The following AGBL2 variants were observed in gnomAD, a reference collection of about 807,000 sequenced individuals.
The protein encoded by AGBL2 is AGBL carboxypeptidase 2.
Under a neutral mutation model 103.0 loss-of-function variants are expected in AGBL2, and 87 were observed. The observed-to-expected ratio is 0.84, with a 90% confidence interval of 0.71 to 1.01. The LOEUF is 1.01. AGBL2 is among the 50% of genes least tolerant of loss of function. The pLI is 0.00. For missense variants in AGBL2, 904 were observed against 1,023.5 expected (o/e 0.88, Z 1.59); for synonymous variants, 335 against 356.7 (o/e 0.94, Z 0.69).
rs2097344416 is a variant in AGBL2, at chr11:47,667,482, G to T, written c.2340+89C>A. 1.4e-5 allele frequency: 21 copies of T among 1,486,894 alleles called. No homozygotes were observed. In the South Asian group the frequency reaches 2.3e-4, roughly 16 times the overall value. 92.1% of individuals were successfully genotyped at this position (1,486,894 alleles called of 1,614,324 possible). A position where few individuals can be genotyped will look rare whatever the true frequency, so the allele number is the denominator to read the frequency against. ...TGCCCCAATCTCCATCCCCTTTTTG[G>T]TTTAGAGTAAACTTTAACCCCCTTT... is the stretch of plus-strand genomic sequence containing the variant. On this transcript the variant is annotated intron_variant, in intron 16 of 18. Transcript: ENST00000525123.
chr11:47,667,216 A>G (rs1052920669), intron 16 of AGBL2, among the ~76,000 whole-genome samples, 153 bp from the exon 17 acceptor site: 1 of 152,178 alleles, frequency 6.6e-6, no homozygotes, highest in East Asian at 1.9e-4. Flanking sequence ...AAGATTGATG[A>G]GCTATCCAGC....
chr11:47,667,211 T>G, intron 16 of AGBL2, 148 bp from the exon 17 acceptor site: 1 of 641,164 alleles, frequency 1.6e-6, no homozygotes, highest in South Asian at 2.0e-5. Context: ...GGACAAAGAT[T>G]GATGAGCTAT....
chr11:47,682,028 C>A lies in AGBL2; in HGVS notation c.1856G>T (p.Trp619Leu). Reference protein sequence around the residue: ...CKEGTGRVVMWRMGILNSYTM... With the variant: ...CKEGTGRVVMLRMGILNSYTM... ...GTAGCTGTTTAGGATTCCCATCCGC[C>A]ACATAACAACTCGTCCTGTTCCTTC... Residue 619 changes from tryptophan to leucine, a missense_variant, in exon 12 of 19, where the codon TGG becomes TTG. Coordinates refer to ENST00000525123, the MANE Select transcript of AGBL2 (RefSeq NM_024783.4). The A allele has an allele frequency of 1.2e-6, 2 of 1,614,174 alleles. 1 individual carries two copies. The highest frequency in any genetic ancestry group is 2.2e-5 in the South Asian group (2 of 91,084).
intron 13 of AGBL2, among the ~76,000 whole-genome samples, chr11:47,679,723 C>A (rs942497689): frequency 3.3e-5 from 5 of 151,388 alleles, no homozygotes; most frequent in Non-Finnish European, 7.4e-5. Flanking sequence ...CTCAGTGCAA[C>A]CTCCGCCTCC....
intron 14 of AGBL2, among the ~76,000 whole-genome samples, chr11:47,675,710 A>C (rs1711877340): frequency 6.6e-6 from 1 of 151,972 alleles, no homozygotes; most frequent in African/African-American, 2.4e-5. Flanking sequence ...TTAAGGTTTA[A>C]ATATTATCTA....
In AGBL2 at chr11:47,690,646, C is replaced by T. The variant is rs747146947; in HGVS notation, c.1061G>A (p.Arg354Lys). ...LDANTRNIGW[R>K]REGNEIKYYK... ...GTACTTGATTTCATTTCCTTCTCTC[C>T]TCCAGCCAATATTGCGGGTGTTGGC... Residue 354 changes from arginine (R) to lysine (K), a missense_variant, in exon 10 of 19, where the codon AGG (arginine) becomes AAG (lysine). By Grantham distance (26) the Arg-to-Lys change is conservative. Transcript: ENST00000525123. 1 of 1,614,132 alleles carries T rather than the reference C, an allele frequency of 6.2e-7. No individual in the cohort carries two copies. Among genetic ancestry groups the T allele is most frequent in the South Asian group, 1.1e-5 (1 of 91,076 alleles).
At position 47,690,164 on chromosome 11, in the gene AGBL2, A is replaced by C. The variant is rs760509109; in HGVS notation, c.1543T>G (p.Leu515Val). 1.2e-6 allele frequency: 2 copies of C among 1,614,086 alleles called. No individual in the cohort carries two copies. The highest frequency in any genetic ancestry group is 1.7e-6 in the Non-Finnish European group (2 of 1,180,034). ...GVIVGNYRCS[L>V]AGRDLNRHYK... ...TGCCTGTTCAAATCCCTTCCGGCCA[A>C]GGAACACCGATAATTCCCCACAATC... Residue 515 changes from leucine (L) to valine (V), a missense_variant, in exon 10 of 19, where the codon TTG (leucine) becomes GTG (valine). Transcript: ENST00000525123.
rs1016819804 is a variant in AGBL2, at chr11:47,705,571, G to T, written c.350C>A (p.Pro117His). The T allele has an allele frequency of 8.6e-6, 4 of 467,054 alleles. No individual in the cohort carries two copies. The highest frequency in any genetic ancestry group is 1.6e-5 in the Non-Finnish European group (4 of 250,912). 28.9% of individuals were successfully genotyped at this position (467,054 alleles called of 1,614,324 possible). Residue 117 changes from proline (P) to histidine (H), a missense_variant, in exon 6 of 19, where the codon CCC (proline) becomes CAC (histidine). Transcript: ENST00000525123. ...TGAGGCAGGAGAATCCTTGAATCTG[G>T]GAGGTGGAGGTTGCAGTGAGCTGAG... ...RGLSSLQPPP[P>H]RFKDSPASAF...
rs1213974418 is a variant in AGBL2 at position 47,700,996 on chromosome 11, C to G, written c.587-1443G>C. Among the ~76,000 whole-genome samples, 3 of 150,984 alleles carry G rather than the reference C, an allele frequency of 2.0e-5. No homozygotes were observed. In the East Asian group the frequency reaches 5.9e-4, roughly 30 times the overall value. On this transcript the variant is annotated intron_variant, in intron 7 of 18. Coordinates refer to ENST00000525123, the MANE Select transcript of AGBL2 (RefSeq NM_024783.4). Reference sequence around the variant, plus strand: ...GCTTGAACCCAGGAGACAGAGGCTGCAGTGAGCTGACGCGGTGCCACCGCA... The same window carrying G: ...GCTTGAACCCAGGAGACAGAGGCTGGAGTGAGCTGACGCGGTGCCACCGCA...
chr11:47,686,191 C>T (rs1447152455), intron 10 of AGBL2, 142 bp from the exon 11 acceptor site: 2 of 774,102 alleles, frequency 2.6e-6, no homozygotes, highest in Admixed American at 6.0e-5. Context: ...CTTCAATGGA[C>T]CCTATCTCCA....
chr11:47,661,765 T>G (rs1188532862), intron 18 of AGBL2, among the ~76,000 whole-genome samples: 1 of 152,076 alleles, frequency 6.6e-6, no homozygotes, highest in Admixed American at 6.6e-5. Flanking sequence ...CCACCTTTTT[T>G]TTTTTTGGAG....
chr11:47,678,329 TA>T (rs2097384548), intron 13 of AGBL2, among the ~76,000 whole-genome samples: 2 of 136,982 alleles, frequency 1.5e-5, no homozygotes, highest in African/African-American at 5.0e-5. Context: ...TATTTTATTT[TA>T]TTTTATTATT....
intron 16 of AGBL2, 130 bp downstream of exon 16, chr11:47,667,441 A>C (rs960258746): frequency 1.2e-5 from 15 of 1,224,298 alleles, no homozygotes; most frequent in Non-Finnish European, 1.7e-5. Context: ...TGATCGCAAA[A>C]CAGAAAGTCT....
At chr11:47,698,957 T>C (rs7942074) in intron 8 of AGBL2, among the ~76,000 whole-genome samples, 51,223 of 131,704 alleles carry the variant, frequency 0.39, 10,202 homozygotes, top group South Asian at 0.56. Flanking sequence ...ATGACTTCAG[T>C]AGGAATGGCA....
intron 8 of AGBL2, among the ~76,000 whole-genome samples, chr11:47,696,035 A>AAAAAAAAAAAAAAAAT (rs2097470791): frequency 9.7e-5 from 1 of 10,292 alleles, no homozygotes; most frequent in South Asian, 3.6e-3. Context: ...AAAAAAAAAA[A>AAAAAAAAAAAAAAAAT]AGAAAAAAAA....
At chr11:47,677,609 A>ATG (rs2097380670) in intron 13 of AGBL2, among the ~76,000 whole-genome samples, 1 of 151,834 alleles carries the variant, frequency 6.6e-6, no homozygotes, top group African/African-American at 2.4e-5. Context: ...ATGCCCCACC[A>ATG]CACTCAGCTA....
rs1482331912 is a variant in AGBL2 at position 47,660,137 on chromosome 11, C to A, written c.*36G>T. On this transcript the variant is annotated 3_prime_UTR_variant, in exon 19 of 19. Coordinates refer to ENST00000525123, the MANE Select transcript of AGBL2 (RefSeq NM_024783.4). ...TAAAATGTGTCTAATCTCAAAACCCCCGATGAAGTGCTTGTGTGGCACAGC... is the reference window on the plus strand; with the variant it reads ...TAAAATGTGTCTAATCTCAAAACCCACGATGAAGTGCTTGTGTGGCACAGC... The A allele has an allele frequency of 6.4e-7, 1 of 1,573,568 alleles. No homozygotes were observed. The highest frequency in any genetic ancestry group is 1.9e-5 in the Admixed American group (1 of 52,480).
At chr11:47,664,806 C>A (rs920189699) in intron 17 of AGBL2, among the ~76,000 whole-genome samples, 1 of 151,784 alleles carries the variant, frequency 6.6e-6, no homozygotes, top group Non-Finnish European at 1.5e-5. Flanking sequence ...GATCCTCCCA[C>A]CTTTGCCTCC....
intron 15 of AGBL2, 88 bp downstream of exon 15, chr11:47,668,753 G>A: frequency 1.0e-6 from 1 of 996,142 alleles, no homozygotes; most frequent in Non-Finnish European, 1.6e-6. Flanking sequence ...CAGGTCTTAG[G>A]ACTGTTGGAA....
Sources: allele counts gnomAD v4.1 joint callset (sites outside exome capture counted in the v4.1 genomes callset), GRCh38; gene constraint gnomAD v4.1.1; transcripts MANE v1.5; gene names NCBI Gene and HGNC (gene_info 2026-07-23, HGNC 2026-07-21).